SUMF1: variants seen among roughly 807,000 people sequenced by gnomAD.
The protein encoded by SUMF1 is formylglycine-generating enzyme.
A neutral mutation model predicts 47.6 loss-of-function variants in SUMF1; 48 were observed. The observed-to-expected ratio is 1.01, with a 90% CI of 0.80 to 1.28. The LOEUF (loss-of-function observed/expected upper bound fraction) is 1.28, where lower values mean the gene tolerates loss of function less well. SUMF1 is among the 50% of genes most tolerant of loss of function. The probability of loss-of-function intolerance (pLI) is 0.00; values close to 1 mark genes in which losing one functional copy is unlikely to be tolerated. For synonymous variants in SUMF1, 230 were observed against 192.1 expected, an observed-to-expected ratio of 1.20 and a Z score of -1.63; for missense variants, 571 against 485.4, an observed-to-expected ratio of 1.18 and a Z score of -1.66.
chr3:4,041,463 C>T (rs942439264), intron 9 of SUMF1, among the ~76,000 whole-genome samples: 3 of 152,194 alleles, frequency 2.0e-5, no homozygotes, highest in Non-Finnish European at 2.9e-5. Flanking sequence ...AGACAATACC[C>T]TTCAGAGAGC....
At chr3:4,205,422 T>C (rs1051954114) in intron 8 of SUMF1, among the ~76,000 whole-genome samples, 5 of 152,180 alleles carry the variant, frequency 3.3e-5, no homozygotes, top group Non-Finnish European at 2.9e-5. Flanking sequence ...TCTGGTGGTC[T>C]CTTCACACGG....
intron 8 of SUMF1, among the ~76,000 whole-genome samples, chr3:4,103,837 T>C (rs576277713): frequency 6.6e-6 from 1 of 152,150 alleles, no homozygotes; most frequent in Non-Finnish European, 1.5e-5. Context: ...AAACAGCTGA[T>C]AGAAGAATCA....
At position 4,147,057 on chromosome 3, in the gene SUMF1, T is replaced by C. The variant is rs1445180582; in HGVS notation, c.1015-78312A>G. Among the ~76,000 whole-genome samples, 3 of 152,116 alleles carry C rather than the reference T, an allele frequency of 2.0e-5. No individual in the cohort carries two copies. In the South Asian group the frequency reaches 6.2e-4, roughly 32 times the overall value. On this transcript the variant is annotated intron_variant and NMD_transcript_variant, in intron 8 of 12. Coordinates refer to the SUMF1 transcript ENST00000448413. Reference sequence around the variant, plus strand: ...GACATTTATGCAGCCAAAAGACACATGAAAAAATGCTCATCATCACTGGCC... The same window carrying C: ...GACATTTATGCAGCCAAAAGACACACGAAAAAATGCTCATCATCACTGGCC...
chr3:4,306,701 T>C lies in SUMF1; in HGVS notation c.1014+69629A>G, dbSNP rs114393554. Among the ~76,000 whole-genome samples the C allele has an allele frequency of 3.6e-3, 548 of 152,368 alleles. 4 individuals are homozygous for C. Among genetic ancestry groups the C allele is most frequent in the African/African-American group, 0.013 (520 of 41,588 alleles). On this transcript the variant is annotated intron_variant and NMD_transcript_variant, in intron 8 of 12. Coordinates refer to the SUMF1 transcript ENST00000448413. ...TTCATGGAACACAAAACCAGTCTTA[T>C]AAAAGGTCAAAACAGCTTGCTTGCT...
intron 3 of SUMF1, among the ~76,000 whole-genome samples, chr3:4,435,741 A>C (rs1175555066): frequency 6.6e-6 from 1 of 152,206 alleles, no homozygotes; most frequent in East Asian, 1.9e-4. Context: ...AACATTTGTA[A>C]AGTGATGAAA....
chr3:4,375,774 G>T (rs1700307814), intron 8 of SUMF1, among the ~76,000 whole-genome samples: 1 of 152,104 alleles, frequency 6.6e-6, no homozygotes. Context: ...GGTTATTTAG[G>T]AAACACCAAG....
At chr3:4,427,858 T>C (rs1400868156) in intron 3 of SUMF1, among the ~76,000 whole-genome samples, 1 of 152,192 alleles carries the variant, frequency 6.6e-6, no homozygotes. Context: ...AAGGAATCTA[T>C]GGACTCAAAG....
intron 8 of SUMF1, among the ~76,000 whole-genome samples, chr3:4,088,928 C>T (rs1415968790): frequency 6.6e-6 from 1 of 152,004 alleles, no homozygotes; most frequent in Non-Finnish European, 1.5e-5. Flanking sequence ...AATATATGGA[C>T]AAATGAATGT....
chr3:4,353,905 C>G lies in SUMF1; in HGVS notation c.1014+22425G>C, dbSNP rs374499378. Among the ~76,000 whole-genome samples the G allele has an allele frequency of 2.6e-5, 4 of 152,106 alleles. No individual in the cohort carries two copies. In the East Asian group the frequency reaches 7.7e-4, roughly 29 times the overall value. On this transcript the variant is annotated intron_variant and NMD_transcript_variant, in intron 8 of 12. Coordinates refer to the SUMF1 transcript ENST00000448413. The stretch of plus-strand genomic sequence containing the variant: ...TAGGGACAGGGTATGGCTCTGTCAC[C>G]CAGGCTGGAGTGCAGCAGTGTGATC...
intron 8 of SUMF1, among the ~76,000 whole-genome samples, chr3:4,202,310 T>A (rs541991418): frequency 1.3e-5 from 2 of 152,076 alleles, no homozygotes; most frequent in African/African-American, 2.4e-5. Context: ...CTCATTTCAT[T>A]TTTCTGCATA....
intron 3 of SUMF1, among the ~76,000 whole-genome samples, chr3:4,424,528 G>C (rs1034881126): frequency 1.3e-5 from 2 of 152,128 alleles, no homozygotes; most frequent in African/African-American, 4.8e-5. Flanking sequence ...GTCCAAAATA[G>C]TAAGACCTGA....
At chr3:4,075,597 T>C (rs532266559) in intron 8 of SUMF1, among the ~76,000 whole-genome samples, 6 of 152,222 alleles carry the variant, frequency 3.9e-5, no homozygotes, top group African/African-American at 1.4e-4. Context: ...AACCCCATCA[T>C]CTCAGCCCAA....
chr3:4,070,782 C>T (rs1029666235), intron 8 of SUMF1, among the ~76,000 whole-genome samples: 1 of 151,972 alleles, frequency 6.6e-6, no homozygotes, highest in African/African-American at 2.4e-5. Context: ...ACTACAGGTG[C>T]CTGCTACCAC....
At chr3:4,299,324 G>T (rs1353049110) in intron 8 of SUMF1, among the ~76,000 whole-genome samples, 2 of 152,148 alleles carry the variant, frequency 1.3e-5, no homozygotes, top group Non-Finnish European at 2.9e-5. Flanking sequence ...TCCCACAGAA[G>T]GGGTACACCT....
At position 4,272,935 on chromosome 3, in the gene SUMF1, C is replaced by T. The variant is rs115446855; in HGVS notation, c.1014+103395G>A. ...CAGAAAAGTTTAAAAATTAGCGAGGCATCGTGTTACGCACCTGTAGTCCTG... is the reference window on the plus strand; with the variant it reads ...CAGAAAAGTTTAAAAATTAGCGAGGTATCGTGTTACGCACCTGTAGTCCTG... On this transcript the variant is annotated intron_variant and NMD_transcript_variant, in intron 8 of 12. Transcript: ENST00000448413. Among the ~76,000 whole-genome samples, 937 of 152,044 alleles carry T rather than the reference C, an allele frequency of 6.2e-3. 5 individuals are homozygous for T. The highest frequency in any genetic ancestry group is 0.018 in the African/African-American group (731 of 41,460).
At chr3:4,399,184 A>G (rs1437974845) in intron 7 of SUMF1, among the ~76,000 whole-genome samples, 1 of 152,176 alleles carries the variant, frequency 6.6e-6, no homozygotes, top group African/African-American at 2.4e-5. Flanking sequence ...GCTTTAAGAC[A>G]TTGACTTTAC....
intron 8 of SUMF1, among the ~76,000 whole-genome samples, chr3:4,233,269 G>A (rs1241748485): frequency 1.3e-5 from 2 of 152,092 alleles, no homozygotes; most frequent in African/African-American, 2.4e-5. Flanking sequence ...GCAGGTCAAT[G>A]TTAGTTGATG....
intron 8 of SUMF1, among the ~76,000 whole-genome samples, chr3:4,093,061 G>C (rs1048623889): frequency 6.6e-6 from 1 of 152,098 alleles, no homozygotes; most frequent in Non-Finnish European, 1.5e-5. Context: ...ACTGGCTTCT[G>C]ATCCTGGTTC....
chr3:4,196,093 C>T (rs1220142260), intron 8 of SUMF1, among the ~76,000 whole-genome samples: 2 of 152,106 alleles, frequency 1.3e-5, no homozygotes, highest in Non-Finnish European at 2.9e-5. Context: ...GAGCAGAACA[C>T]ATGCCTATGG....
Sources: allele counts gnomAD v4.1 joint callset (sites outside exome capture counted in the v4.1 genomes callset), GRCh38; gene constraint gnomAD v4.1.1; transcripts MANE v1.5; gene names NCBI Gene and HGNC (gene_info 2026-07-23, HGNC 2026-07-21).